Variants in FRMD4A observed in about 807,000 individuals in gnomAD.
The protein encoded by FRMD4A is FERM domain-containing protein 4A.
A neutral mutation model predicts 129.1 loss-of-function variants in FRMD4A; 29 were observed. That is an observed-to-expected ratio of 0.22 (90% CI 0.17 to 0.31). The LOEUF (loss-of-function observed/expected upper bound fraction) is 0.31. Among genes scored for constraint, FRMD4A ranks in the 10% least tolerant of loss-of-function variants. The pLI is 1.00. For missense variants in FRMD4A, 1,272 were observed against 1,375.8 expected (o/e 0.92, Z 1.19); for synonymous variants, 634 against 571.6 (o/e 1.11, Z -1.56).
intron 22 of FRMD4A, among the ~76,000 whole-genome samples, chr10:13,656,348 CTT>C (rs2082142035): frequency 6.6e-6 from 1 of 152,188 alleles, no homozygotes; most frequent in Non-Finnish European, 1.5e-5. Context: ...AACTAACTTT[CTT>C]AGATTTCTGT....
At chr10:14,191,623 C>T (rs573255583) in intron 2 of FRMD4A, among the ~76,000 whole-genome samples, 1 of 152,344 alleles carries the variant, frequency 6.6e-6, no homozygotes, top group South Asian at 2.1e-4. Context: ...ATGTGAATTG[C>T]TATGGCATCA....
chr10:14,287,762 G>C (rs770143432), intron 2 of FRMD4A, among the ~76,000 whole-genome samples: 10 of 152,136 alleles, frequency 6.6e-5, no homozygotes, highest in Non-Finnish European at 1.3e-4. Flanking sequence ...TACTGAAACA[G>C]TTCACTCTAC....
At chr10:14,097,823 G>T (rs1441110045) in intron 2 of FRMD4A, among the ~76,000 whole-genome samples, 1 of 149,202 alleles carries the variant, frequency 6.7e-6, no homozygotes, top group Admixed American at 6.7e-5. Context: ...ATTATGATAA[G>T]AATAGCTATG....
rs371876427 is a variant in FRMD4A, at chr10:13,747,835, C to T, written c.465-16G>A. On this transcript the variant is annotated splice_polypyrimidine_tract_variant and intron_variant, in intron 8 of 24. Transcript: ENST00000357447. ...AACTTCATTGCTGAAAGAGAGAATG[C>T]CCAGAAACGCACTCACCCTCTGAGA... 1.1e-5 allele frequency: 16 copies of T among 1,437,554 alleles called. No individual in the cohort carries two copies. The African/African-American group carries it at 1.4e-4, about 13-fold the overall frequency. 89.0% of individuals were successfully genotyped at this position (1,437,554 alleles called of 1,614,324 possible).
chr10:14,109,100 G>A (rs1284918352), intron 2 of FRMD4A, among the ~76,000 whole-genome samples: 2 of 151,790 alleles, frequency 1.3e-5, no homozygotes, highest in African/African-American at 4.8e-5. Context: ...GGGTTGAAGA[G>A]CCCAAGAGAT....
chr10:13,653,663 C>T (rs1264401880), intron 23 of FRMD4A, among the ~76,000 whole-genome samples: 1 of 152,226 alleles, frequency 6.6e-6, no homozygotes, highest in Non-Finnish European at 1.5e-5. Context: ...CTCCTTAACT[C>T]CTCTAACCAA....
Position 14,190,302 on chromosome 10 carries a change from C to T in FRMD4A, c.45+139756G>A, listed in dbSNP as rs146867860. ...TACCATTTTCAAGACAACTGTATTA[C>T]CAGAAAAAAGGGCTCACTGCTGGAT... is the stretch of plus-strand genomic sequence containing the variant. On this transcript the variant is annotated intron_variant, in intron 2 of 24. Transcript: ENST00000357447. Among the ~76,000 whole-genome samples the T allele has an allele frequency of 1.3e-3, 202 of 152,222 alleles. 1 individual carries two copies. The highest frequency in any genetic ancestry group is 4.5e-3 in the African/African-American group (188 of 41,530).
intron 2 of FRMD4A, among the ~76,000 whole-genome samples, chr10:14,233,935 A>G (rs1393622812): frequency 6.6e-6 from 1 of 152,252 alleles, no homozygotes; most frequent in East Asian, 1.9e-4. Flanking sequence ...ACACAGGGAA[A>G]ATATTCTAAA....
intron 6 of FRMD4A, among the ~76,000 whole-genome samples, chr10:13,769,756 A>C (rs2092400964): frequency 6.6e-6 from 1 of 152,216 alleles, no homozygotes; most frequent in African/African-American, 2.4e-5. Flanking sequence ...ATAGAACAAA[A>C]GATGGAGGGT....
intron 2 of FRMD4A, among the ~76,000 whole-genome samples, chr10:14,161,693 T>C (rs546925184): frequency 6.6e-6 from 1 of 152,074 alleles, no homozygotes; most frequent in East Asian, 1.9e-4. Flanking sequence ...TGAGGAGAGG[T>C]TGGTTAATGG....
chr10:14,174,857 A>C (rs1433772778), intron 2 of FRMD4A, among the ~76,000 whole-genome samples: 1 of 146,712 alleles, frequency 6.8e-6, no homozygotes, highest in Non-Finnish European at 1.5e-5. Flanking sequence ...GTTGAGTATT[A>C]AAAAAAAAAG....
At chr10:13,649,353 T>TGTTG (rs1344707307) in intron 24 of FRMD4A, 1 of 127,408 alleles carries the variant, frequency 7.8e-6, no homozygotes, top group African/African-American at 2.7e-5. Flanking sequence ...AGAGCCTAAC[T>TGTTG]GTTGGCTGGC....
At chr10:13,697,964 A>G (rs1444559035) in intron 14 of FRMD4A, among the ~76,000 whole-genome samples, 2 of 152,180 alleles carry the variant, frequency 1.3e-5, no homozygotes, top group Admixed American at 1.3e-4. Context: ...GTTACCAATT[A>G]TAATTGGTGC....
At chr10:13,763,359 G>C (rs1471505800) in intron 6 of FRMD4A, among the ~76,000 whole-genome samples, 1 of 152,092 alleles carries the variant, frequency 6.6e-6, no homozygotes, top group East Asian at 1.9e-4. Flanking sequence ...TTTTTGAAAG[G>C]AATGTTACAG....
chr10:14,198,459 G>C (rs1000912729), intron 2 of FRMD4A, among the ~76,000 whole-genome samples: 1 of 152,340 alleles, frequency 6.6e-6, no homozygotes, highest in Non-Finnish European at 1.5e-5. Flanking sequence ...CAAAGGCAGA[G>C]GAAGTGTCCA....
At chr10:14,310,982 C>G (rs1846528098) in intron 2 of FRMD4A, among the ~76,000 whole-genome samples, 1 of 152,170 alleles carries the variant, frequency 6.6e-6, no homozygotes. Context: ...ATTTCCCCAG[C>G]TGAAGGATGC....
chr10:14,077,902 A>G (rs911713617), intron 2 of FRMD4A, among the ~76,000 whole-genome samples: 1 of 152,240 alleles, frequency 6.6e-6, no homozygotes, highest in Non-Finnish European at 1.5e-5. Context: ...TGTGTGTTAC[A>G]TGGCAAGCAT....
chr10:14,234,989 G>A (rs984951357), intron 2 of FRMD4A, among the ~76,000 whole-genome samples: 2 of 152,100 alleles, frequency 1.3e-5, no homozygotes, highest in African/African-American at 2.4e-5. Flanking sequence ...TGTAGTGCTC[G>A]TTCCTTTTTT....
At chr10:14,088,896 C>T (rs982349761) in intron 2 of FRMD4A, among the ~76,000 whole-genome samples, 1 of 151,774 alleles carries the variant, frequency 6.6e-6, no homozygotes, top group African/African-American at 2.4e-5. Context: ...ACGGTCGGGG[C>T]TCACACAGCT....
Sources: allele counts gnomAD v4.1 joint callset (sites outside exome capture counted in the v4.1 genomes callset), GRCh38; gene constraint gnomAD v4.1.1; transcripts MANE v1.5; gene names NCBI Gene and HGNC (gene_info 2026-07-23, HGNC 2026-07-21).